The following PTPRD variants were observed in gnomAD, a reference collection of about 807,000 sequenced individuals.
The protein encoded by PTPRD is protein tyrosine phosphatase receptor type D.
A neutral mutation model predicts 214.5 loss-of-function variants in PTPRD; 34 were observed. The ratio of observed to expected loss-of-function variants is 0.16; its 90% CI spans 0.12 to 0.21. The LOEUF is 0.21. Among genes scored for constraint, PTPRD ranks in the 10% least tolerant of loss-of-function variants. PTPRD has a pLI of 1.00. For missense variants in PTPRD, 2,545 were observed against 2,398.7 expected (o/e 1.06, Z -1.27); for synonymous variants, 1,128 against 845.7 (o/e 1.33, Z -5.79).
chr9:8,539,282 T>A (rs1009227946), intron 14 of PTPRD, among the ~76,000 whole-genome samples: 1 of 151,932 alleles, frequency 6.6e-6, no homozygotes, highest in Non-Finnish European at 1.5e-5. Flanking sequence ...TGTGAGAGAT[T>A]AAATGATAGG....
chr9:9,261,100 T>G (rs1418178785), intron 9 of PTPRD, among the ~76,000 whole-genome samples: 4 of 151,868 alleles, frequency 2.6e-5, no homozygotes, highest in Non-Finnish European at 5.9e-5. Context: ...GAAAACTTAT[T>G]TCAATTATCA....
At chr9:9,762,761 G>A (rs970725464) in intron 6 of PTPRD, among the ~76,000 whole-genome samples, 3 of 152,156 alleles carry the variant, frequency 2.0e-5, no homozygotes, top group African/African-American at 7.2e-5. Flanking sequence ...ATCAAGATGT[G>A]AAGACACTTC....
chr9:9,542,873 G>A (rs57637318), intron 8 of PTPRD, among the ~76,000 whole-genome samples: 2 of 151,490 alleles, frequency 1.3e-5, no homozygotes, highest in East Asian at 3.9e-4. Context: ...TGCTGCAGGA[G>A]CATGAAATTT....
chr9:10,181,529 CACTA>C, intron 3 of PTPRD, among the ~76,000 whole-genome samples: 1 of 151,980 alleles, frequency 6.6e-6, no homozygotes, highest in African/African-American at 2.4e-5. Flanking sequence ...ACTTCACAAA[CACTA>C]ACTTTTTTTT....
chr9:10,359,607 A>T (rs1318054893), intron 2 of PTPRD, among the ~76,000 whole-genome samples: 1 of 152,138 alleles, frequency 6.6e-6, no homozygotes, highest in Non-Finnish European at 1.5e-5. Flanking sequence ...AGCAGTATTA[A>T]CTGGCAGTGT....
chr9:10,560,324 C>T lies in PTPRD; in HGVS notation c.-600+52074G>A, dbSNP rs577556417. On this transcript the variant is annotated intron_variant, in intron 2 of 45. Coordinates refer to ENST00000381196, the MANE Select transcript of PTPRD (RefSeq NM_002839.4). ...ATTGCAAGAACAAAAAAACAAACAC[C>T]GCATATTCTCACTCAAAGGTGGGAA... Among the ~76,000 whole-genome samples the T allele has an allele frequency of 1.6e-4, 24 of 151,790 alleles. No individual in the cohort carries two copies. The East Asian group carries it at 2.3e-3, about 15-fold the overall frequency.
intron 2 of PTPRD, among the ~76,000 whole-genome samples, chr9:10,428,420 C>T (rs1057157113): frequency 6.6e-6 from 1 of 150,992 alleles, no homozygotes; most frequent in African/African-American, 2.5e-5. Context: ...AATTAATAAG[C>T]TATAAATTCT....
At chr9:10,609,220 G>C (rs1028489741) in intron 2 of PTPRD, among the ~76,000 whole-genome samples, 1 of 151,990 alleles carries the variant, frequency 6.6e-6, no homozygotes, top group Non-Finnish European at 1.5e-5. Context: ...ATAGATAGTA[G>C]CTAGATCAAT....
At chr9:9,144,767 AAC>A (rs2099865922) in intron 10 of PTPRD, among the ~76,000 whole-genome samples, 1 of 152,180 alleles carries the variant, frequency 6.6e-6, no homozygotes, top group Non-Finnish European at 1.5e-5. Context: ...CAAACAAACA[AAC>A]AAAAAACAAA....
intron 9 of PTPRD, among the ~76,000 whole-genome samples, chr9:9,366,962 A>C (rs1001768970): frequency 6.6e-6 from 1 of 151,458 alleles, no homozygotes; most frequent in African/African-American, 2.4e-5. Flanking sequence ...AAATGAAAAA[A>C]ATTACAAAAT....
intron 7 of PTPRD, among the ~76,000 whole-genome samples, chr9:9,659,347 T>A (rs2096579324): frequency 1.3e-5 from 2 of 152,106 alleles, no homozygotes; most frequent in African/African-American, 4.8e-5. Flanking sequence ...AGAGAAAAAA[T>A]TTCAACAAAT....
chr9:10,425,642 A>G (rs1174302150), intron 2 of PTPRD, among the ~76,000 whole-genome samples: 2 of 152,014 alleles, frequency 1.3e-5, no homozygotes, highest in East Asian at 1.9e-4. Flanking sequence ...AGTAAAAACT[A>G]AAATTTGTTT....
chr9:8,834,865 T>A (rs1163366096), intron 11 of PTPRD, among the ~76,000 whole-genome samples: 1 of 152,140 alleles, frequency 6.6e-6, no homozygotes, highest in Non-Finnish European at 1.5e-5. Flanking sequence ...CTATATACAG[T>A]CAGAGCAGAA....
chr9:10,152,459 C>T (rs544104199), intron 3 of PTPRD, among the ~76,000 whole-genome samples: 78 of 152,062 alleles, frequency 5.1e-4, no homozygotes, highest in African/African-American at 1.7e-3. Context: ...TTAGTTTTAT[C>T]GTCATATTCT....
chr9:8,626,878 G>C (rs1247695375), intron 14 of PTPRD, among the ~76,000 whole-genome samples: 1 of 151,606 alleles, frequency 6.6e-6, no homozygotes, highest in Non-Finnish European at 1.5e-5. Flanking sequence ...AATAATGTCA[G>C]CTAATTTGTT....
At chr9:9,918,652 A>T (rs1469701557) in intron 5 of PTPRD, among the ~76,000 whole-genome samples, 1 of 152,146 alleles carries the variant, frequency 6.6e-6, no homozygotes, top group African/African-American at 2.4e-5. Context: ...ACTTCAAAAT[A>T]CACTACAAAG....
chr9:8,907,530 AAAAATATAT>A (rs984924897), intron 11 of PTPRD, among the ~76,000 whole-genome samples: 1 of 136,652 alleles, frequency 7.3e-6, no homozygotes, highest in South Asian at 2.4e-4. Flanking sequence ...AAAAAAAAAA[AAAAATATAT>A]ATATATATAT....
chr9:8,475,019 T>C (rs189944676), intron 30 of PTPRD, among the ~76,000 whole-genome samples: 37 of 152,310 alleles, frequency 2.4e-4, no homozygotes, highest in Non-Finnish European at 4.7e-4. Flanking sequence ...ATGTGTCATA[T>C]AGAGAACAAA....
intron 11 of PTPRD, among the ~76,000 whole-genome samples, chr9:8,823,891 G>C (rs561171998): frequency 6.6e-6 from 1 of 152,306 alleles, no homozygotes; most frequent in East Asian, 1.9e-4. Context: ...AGTCCCAAGG[G>C]CTGCTGGTTG....
Sources: gnomAD v4.1 joint callset for allele counts (sites outside exome capture counted in the v4.1 genomes callset) on GRCh38, gnomAD v4.1.1 for gene constraint, MANE v1.5 for transcripts, NCBI Gene and HGNC (gene_info 2026-07-23, HGNC 2026-07-21) for gene names.